Variants in STXBP3 observed in about 807,000 individuals in gnomAD.
The protein encoded by STXBP3 is syntaxin-binding protein 3.
In STXBP3, 41 loss-of-function variants were observed where a neutral mutation model predicts 85.7. The observed-to-expected ratio is 0.48, with a 90% confidence interval of 0.37 to 0.62. The LOEUF (loss-of-function observed/expected upper bound fraction) is 0.62, where lower values mean the gene tolerates loss of function less well. Ranked by LOEUF, STXBP3 falls within the 20% of genes least tolerant of loss-of-function variation. The pLI, the probability that STXBP3 is intolerant of heterozygous loss-of-function variation, is 0.00. For missense variants in STXBP3, 563 were observed against 703.1 expected (o/e 0.80, Z 2.25); for synonymous variants, 229 against 231.7 (o/e 0.99, Z 0.10).
chr1:108,794,867 A>C lies in STXBP3; in HGVS notation c.1070A>C (p.Lys357Thr), dbSNP rs768181860. Residue 357 changes from lysine (K) to threonine (T), a missense_variant, in exon 13 of 19, where the codon AAG (lysine) becomes ACG (threonine). This residue lies in a region of STXBP3 where 494 missense variants were observed against 592.8 expected (regional missense o/e 0.83). Transcript: ENST00000370008. ...AACTTAGCAGAAGATTGCATGAATAAGTTCAAGCTTAATATAGAAAAGCTC... is the reference window on the plus strand; with the variant it reads ...AACTTAGCAGAAGATTGCATGAATACGTTCAAGCTTAATATAGAAAAGCTC... Reference protein sequence around the residue: ...HLNLAEDCMNKFKLNIEKLCK... With the variant: ...HLNLAEDCMNTFKLNIEKLCK... 1 of 1,610,698 alleles carries C rather than the reference A, an allele frequency of 6.2e-7. No individual in the cohort carries two copies. The highest frequency in any genetic ancestry group is 8.5e-7 in the Non-Finnish European group (1 of 1,178,172).
chr1:108,805,448 G>C (rs1457695419), intron 17 of STXBP3, among the ~76,000 whole-genome samples: 3 of 139,620 alleles, frequency 2.1e-5, no homozygotes, highest in African/African-American at 8.2e-5. Flanking sequence ...TTTTTGAGAC[G>C]GAGTCTCGCT....
At chr1:108,760,394 A>G (rs935781381) in intron 6 of STXBP3, among the ~76,000 whole-genome samples, 1 of 152,136 alleles carries the variant, frequency 6.6e-6, no homozygotes, top group Non-Finnish European at 1.5e-5. Context: ...AAAGTGTTTC[A>G]TTTAGCTTGT....
intron 6 of STXBP3, chr1:108,767,530 T>TGAGTGTGTTC (rs1662291795): frequency 5.9e-6 from 1 of 170,626 alleles, no homozygotes; most frequent in Non-Finnish European, 1.3e-5. Context: ...ACACCTGTGT[T>TGAGTGTGTTC]GATGAGTGTG....
intron 3 of STXBP3, among the ~76,000 whole-genome samples, chr1:108,754,921 C>A (rs557824378): frequency 1.3e-5 from 2 of 152,172 alleles, no homozygotes; most frequent in Admixed American, 6.6e-5. Context: ...GTAGTCATAT[C>A]TTCTAACTTA....
chr1:108,750,508 A>G (rs1570744598), intron 1 of STXBP3, among the ~76,000 whole-genome samples: 1 of 152,230 alleles, frequency 6.6e-6, no homozygotes, highest in South Asian at 2.1e-4. Flanking sequence ...AAAAATGACT[A>G]TAAATAACTG....
At chr1:108,776,698 A>G (rs1439120794) in intron 8 of STXBP3, among the ~76,000 whole-genome samples, 1 of 152,170 alleles carries the variant, frequency 6.6e-6, no homozygotes, top group Non-Finnish European at 1.5e-5. Flanking sequence ...TATTTGGGCA[A>G]ATTATGTAAC....
intron 11 of STXBP3, among the ~76,000 whole-genome samples, chr1:108,783,557 T>C (rs1239740747): frequency 6.6e-6 from 1 of 152,246 alleles, no homozygotes; most frequent in Non-Finnish European, 1.5e-5. Flanking sequence ...TTGTTCATCT[T>C]GTCTCCTTTT....
chr1:108,770,868 G>C (rs1662377217), intron 6 of STXBP3, among the ~76,000 whole-genome samples: 1 of 152,122 alleles, frequency 6.6e-6, no homozygotes, highest in Non-Finnish European at 1.5e-5. Context: ...GTGAGGTTTT[G>C]CTGTACATAC....
intron 7 of STXBP3, 99 bp downstream of exon 7, chr1:108,772,918 T>A: frequency 8.4e-7 from 1 of 1,192,896 alleles, no homozygotes; most frequent in Non-Finnish European, 1.1e-6. Flanking sequence ...TTTGCAAAAT[T>A]TATTTTCTTT....
In STXBP3 at chr1:108,753,118, CAG is replaced by C; in HGVS notation, c.157_158del (p.Asp53SerfsTer14). The C allele has an allele frequency of 6.3e-7, 1 of 1,587,082 alleles. No homozygotes were observed. Among genetic ancestry groups the C allele is most frequent in the South Asian group, 1.2e-5 (1 of 86,134 alleles). On this transcript the variant is annotated frameshift_variant, in exon 3 of 19. Coordinates refer to ENST00000370008, the MANE Select transcript of STXBP3 (RefSeq NM_007269.4). LOFTEE classifies it high-confidence loss of function. The stretch of plus-strand genomic sequence containing the variant: ...CTTTTGGCATCGTGTTGCAAAATGA[CAG>C]ATCTTCTAGAAGAAGGTATTACTGG...
intron 17 of STXBP3, among the ~76,000 whole-genome samples, chr1:108,803,738 G>A (rs929960672): frequency 1.3e-5 from 2 of 152,240 alleles, no homozygotes; most frequent in Admixed American, 6.5e-5. Context: ...TACGCACCTC[G>A]GCCTCCCAAA....
At chr1:108,781,260 G>A (rs1459895852) in intron 9 of STXBP3, 1 of 152,202 alleles carries the variant, frequency 6.6e-6, no homozygotes, top group Non-Finnish European at 1.5e-5. Flanking sequence ...AGATTGATGT[G>A]TAATTTGTGG....
chr1:108,752,117 G>A (rs990426543), intron 1 of STXBP3, 140 bp from the exon 2 acceptor site: 60 of 691,944 alleles, frequency 8.7e-5, no homozygotes, highest in Middle Eastern at 8.1e-4. Flanking sequence ...GGATTTTTCC[G>A]TAAGGTTTAA....
At chr1:108,784,877 G>C (rs1662792608) in intron 11 of STXBP3, among the ~76,000 whole-genome samples, 1 of 152,212 alleles carries the variant, frequency 6.6e-6, no homozygotes, top group Non-Finnish European at 1.5e-5. Context: ...AATCCAATAG[G>C]GCAGTCATTA....
Position 108,805,438 on chromosome 1 carries a change from T to G in STXBP3, c.1536-1963T>G, listed in dbSNP as rs533335312. Among the ~76,000 whole-genome samples, 4 of 149,778 alleles carry G rather than the reference T, an allele frequency of 2.7e-5. No homozygotes were observed. In the South Asian group the frequency reaches 8.5e-4, roughly 32 times the overall value. Reference sequence around the variant, plus strand: ...ATTCAGATTTTTTTTTTTTTTTTTTTTTTTGAGACGGAGTCTCGCTCTGTC... The same window carrying G: ...ATTCAGATTTTTTTTTTTTTTTTTTGTTTTGAGACGGAGTCTCGCTCTGTC... On this transcript the variant is annotated intron_variant, in intron 17 of 18. Coordinates refer to ENST00000370008, the MANE Select transcript of STXBP3 (RefSeq NM_007269.4).
chr1:108,764,498 A>G (rs1317257900), intron 6 of STXBP3, among the ~76,000 whole-genome samples: 2 of 152,196 alleles, frequency 1.3e-5, no homozygotes, highest in African/African-American at 4.8e-5. Context: ...GGTTCAACTA[A>G]TATACATTCC....
chr1:108,782,546 C>T (rs1010330924), intron 10 of STXBP3, 29 bp downstream of exon 10: 1 of 1,608,070 alleles, frequency 6.2e-7, no homozygotes, highest in African/African-American at 1.3e-5. Context: ...ATTTTTGTTC[C>T]ATAATTTTTA....
At chr1:108,755,690 T>C (rs182841727) in intron 3 of STXBP3, among the ~76,000 whole-genome samples, 45 of 152,298 alleles carry the variant, frequency 3.0e-4, no homozygotes, top group African/African-American at 1.1e-3. Context: ...CAAAATAATA[T>C]GTATAGCATG....
intron 6 of STXBP3, chr1:108,767,125 C>T (rs1057400704): frequency 5.2e-5 from 17 of 326,148 alleles, no homozygotes; most frequent in Non-Finnish European, 3.6e-5. Context: ...CCTACAACAA[C>T]TTGGACATAG....
Sources: allele counts gnomAD v4.1 joint callset (sites outside exome capture counted in the v4.1 genomes callset), GRCh38; gene constraint gnomAD v4.1.1; regional missense constraint gnomAD v4.1.1; transcripts MANE v1.5; gene names NCBI Gene and HGNC (gene_info 2026-07-23, HGNC 2026-07-21).